The following RAPGEF5 variants were observed in gnomAD, a reference collection of about 807,000 sequenced individuals.
The protein encoded by RAPGEF5 is Rap guanine nucleotide exchange factor 5.
RAPGEF5 carries 65 observed loss-of-function variants against 125.2 expected under a neutral mutation model. The observed-to-expected ratio is 0.52, with a 90% CI of 0.43 to 0.64. The LOEUF (loss-of-function observed/expected upper bound fraction) is 0.64. RAPGEF5 is among the 30% of genes least tolerant of loss of function. RAPGEF5 has a pLI of 0.00. For synonymous variants in RAPGEF5, 391 were observed against 385.9 expected (o/e 1.01, Z -0.16); for missense variants, 958 against 1,048.1 (o/e 0.91, Z 1.19).
At chr7:22,316,805 T>G (rs889694251) in intron 2 of RAPGEF5, among the ~76,000 whole-genome samples, 1 of 151,744 alleles carries the variant, frequency 6.6e-6, no homozygotes, top group Admixed American at 6.6e-5. Context: ...GCCGAAAAAT[T>G]TGACATCTTC....
chr7:22,153,205 G>C (rs1783686233), intron 17 of RAPGEF5, among the ~76,000 whole-genome samples: 1 of 152,092 alleles, frequency 6.6e-6, no homozygotes, highest in Non-Finnish European at 1.5e-5. Context: ...CTCTGTAGTG[G>C]TACTACCTTG....
intron 7 of RAPGEF5, among the ~76,000 whole-genome samples, chr7:22,240,564 G>C (rs1453914550): frequency 6.6e-6 from 1 of 151,914 alleles, no homozygotes; most frequent in African/African-American, 2.4e-5. Flanking sequence ...GTAGAGACAG[G>C]GTTTCACCAT....
intron 3 of RAPGEF5, 75 bp downstream of exon 3, chr7:22,315,295 G>A: frequency 6.7e-7 from 1 of 1,486,010 alleles, no homozygotes; most frequent in Non-Finnish European, 9.0e-7. Flanking sequence ...CTTTGATCAA[G>A]GTTACAATTT....
chr7:22,206,364 TC>T (rs1291477413), intron 9 of RAPGEF5, among the ~76,000 whole-genome samples: 1 of 152,122 alleles, frequency 6.6e-6, no homozygotes, highest in Non-Finnish European at 1.5e-5. Flanking sequence ...TGATAGTTGA[TC>T]AAGAAATCTT....
At chr7:22,322,711 C>T (rs928402569) in intron 1 of RAPGEF5, among the ~76,000 whole-genome samples, 1 of 152,044 alleles carries the variant, frequency 6.6e-6, no homozygotes. Flanking sequence ...AGTTCTCAAC[C>T]CTCGATGTAA....
intron 22 of RAPGEF5, 93 bp from the exon 23 acceptor site, chr7:22,136,218 C>A: frequency 1.1e-6 from 1 of 930,650 alleles, no homozygotes. Context: ...TTGAACATAA[C>A]TTAGATATAG....
chr7:22,292,844 T>C (rs543744091), intron 5 of RAPGEF5, among the ~76,000 whole-genome samples: 1 of 152,354 alleles, frequency 6.6e-6, no homozygotes, highest in Non-Finnish European at 1.5e-5. Context: ...TTAACGAGCA[T>C]GAGGTATTTT....
In RAPGEF5 at chr7:22,167,086, G is replaced by T; in HGVS notation, c.1267C>A (p.Gln423Lys). 1 of 1,612,624 alleles carries T rather than the reference G, an allele frequency of 6.2e-7. No individual in the cohort carries two copies. Reference protein sequence around the residue: ...TVFMTTDDLCQALLRHYSAKK... With the variant: ...TVFMTTDDLCKALLRHYSAKK... ...GAAGGATATTGCCTTAACAGAGCCT[G>T]GCACAAGTCATCAGTTGTCATGAAG... The change falls in exon 12 of 26, where the codon CAG becomes AAG. Residue 423 changes from glutamine to lysine, a missense_variant. Coordinates refer to ENST00000665637, the MANE Select transcript of RAPGEF5 (RefSeq NM_012294.5).
intron 16 of RAPGEF5, among the ~76,000 whole-genome samples, chr7:22,155,731 G>A (rs1184438844): frequency 1.3e-5 from 2 of 152,218 alleles, no homozygotes; most frequent in Non-Finnish European, 2.9e-5. Context: ...CAATAGACTA[G>A]TGAGAGAGAA....
rs564197586 is a variant in RAPGEF5, at chr7:22,331,117, A to C, written c.232-13080T>G. On this transcript the variant is annotated intron_variant, in intron 1 of 25. Transcript: ENST00000665637. The stretch of plus-strand genomic sequence containing the variant: ...CGTCAGTACTCAGGCTTCAGCATGC[A>C]AACTGCGACACAGATAGCAACCCGT... Among the ~76,000 whole-genome samples, 3 of 152,292 alleles carry C rather than the reference A, an allele frequency of 2.0e-5. No individual in the cohort carries two copies. The South Asian group carries it at 6.2e-4, about 32-fold the overall frequency.
intron 15 of RAPGEF5, among the ~76,000 whole-genome samples, chr7:22,157,484 A>G (rs746669032): frequency 6.6e-6 from 1 of 152,220 alleles, no homozygotes; most frequent in Admixed American, 6.5e-5. Flanking sequence ...AAAAGTGCAA[A>G]TATTTTCTTT....
chr7:22,171,396 A>G lies in RAPGEF5; in HGVS notation c.1205-4248T>C, dbSNP rs191983023. Among the ~76,000 whole-genome samples the G allele has an allele frequency of 2.6e-5, 4 of 152,384 alleles. 1 individual carries two copies. Among genetic ancestry groups the G allele is most frequent in the African/African-American group, 9.6e-5 (4 of 41,596 alleles). On this transcript the variant is annotated intron_variant, in intron 11 of 25. Coordinates refer to ENST00000665637, the MANE Select transcript of RAPGEF5 (RefSeq NM_012294.5). ...AAACAAATTCATAGTTGCCATACAT[A>G]TTAACACTCTGAGTAAAAAAAGTAT...
intron 1 of RAPGEF5, among the ~76,000 whole-genome samples, chr7:22,334,065 A>G (rs1198872249): frequency 2.6e-5 from 4 of 152,272 alleles, no homozygotes; most frequent in Non-Finnish European, 1.5e-5. Flanking sequence ...GCTGCTGAAT[A>G]AAACTACATT....
chr7:22,249,868 G>C (rs942424295), intron 7 of RAPGEF5, among the ~76,000 whole-genome samples: 6 of 152,162 alleles, frequency 3.9e-5, no homozygotes, highest in Admixed American at 3.9e-4. Flanking sequence ...AGATGTCAGG[G>C]CCTCAGTCTA....
intron 18 of RAPGEF5, among the ~76,000 whole-genome samples, chr7:22,149,322 A>G (rs1783543900): frequency 6.6e-6 from 1 of 152,250 alleles, no homozygotes; most frequent in Non-Finnish European, 1.5e-5. Context: ...GGGTTAACCT[A>G]CGTGGTATGC....
intron 9 of RAPGEF5, among the ~76,000 whole-genome samples, chr7:22,217,835 T>C (rs1177253808): frequency 6.6e-6 from 1 of 152,194 alleles, no homozygotes; most frequent in Non-Finnish European, 1.5e-5. Context: ...AATGTTAGTG[T>C]TCTGTTTTAC....
At chr7:22,315,323 T>A in intron 3 of RAPGEF5, 47 bp downstream of exon 3, 2 of 1,521,804 alleles carry the variant, frequency 1.3e-6, no homozygotes, top group Non-Finnish European at 1.8e-6. Context: ...GGGTGGTTTT[T>A]TTTCCTCAAA....
At chr7:22,283,040 A>C in intron 6 of RAPGEF5, among the ~76,000 whole-genome samples, 1 of 121,038 alleles carries the variant, frequency 8.3e-6, no homozygotes, top group East Asian at 2.8e-4. Flanking sequence ...ATATTCTGTA[A>C]AAAAATACAC....
At chr7:22,261,433 T>C (rs1782152877) in intron 7 of RAPGEF5, among the ~76,000 whole-genome samples, 1 of 151,884 alleles carries the variant, frequency 6.6e-6, no homozygotes. Context: ...AACCCCTCTC[T>C]ACCAAAAATA....
Sources: allele counts gnomAD v4.1 joint callset (sites outside exome capture counted in the v4.1 genomes callset), GRCh38; gene constraint gnomAD v4.1.1; transcripts MANE v1.5; gene names NCBI Gene and HGNC (gene_info 2026-07-23, HGNC 2026-07-21).